The following GFRA1 variants were observed in gnomAD, a reference collection of about 807,000 sequenced individuals.
The protein encoded by GFRA1 is GDNF family receptor alpha 1, also known as GDNF family receptor alpha-1.
GFRA1 carries 16 observed loss-of-function variants against 51.6 expected under a neutral mutation model. The ratio of observed to expected loss-of-function variants is 0.31; its 90% CI spans 0.21 to 0.47. The LOEUF (loss-of-function observed/expected upper bound fraction) is 0.47, where lower values mean the gene tolerates loss of function less well. GFRA1 is among the 20% of genes least tolerant of loss of function. The pLI, the probability that GFRA1 is intolerant of heterozygous loss-of-function variation, is 1.00. For missense variants in GFRA1, 530 were observed against 594.3 expected, an observed-to-expected ratio of 0.89 and a Z score of 1.13; for synonymous variants, 270 against 241.3, an observed-to-expected ratio of 1.12 and a Z score of -1.10.
intron 5 of GFRA1, among the ~76,000 whole-genome samples, chr10:116,147,433 C>T (rs1010037698): frequency 2.6e-5 from 4 of 152,242 alleles, no homozygotes; most frequent in African/African-American, 9.6e-5. Flanking sequence ...TCTAAAAACA[C>T]GCATGGTGAT....
chr10:116,167,817 A>G (rs1234193361), intron 5 of GFRA1, among the ~76,000 whole-genome samples: 1 of 152,150 alleles, frequency 6.6e-6, no homozygotes, highest in Non-Finnish European at 1.5e-5. Context: ...TACATCCATG[A>G]TCCTCAAAGA....
chr10:116,248,868 G>A (rs1341533703), intron 4 of GFRA1, among the ~76,000 whole-genome samples: 1 of 152,134 alleles, frequency 6.6e-6, no homozygotes, highest in Non-Finnish European at 1.5e-5. Flanking sequence ...GACGACAGTG[G>A]GCTGAGAAAA....
chr10:116,156,003 T>C (rs1441725895), intron 5 of GFRA1, among the ~76,000 whole-genome samples: 3 of 152,174 alleles, frequency 2.0e-5, no homozygotes, highest in African/African-American at 7.2e-5. Context: ...CCCATGTGAA[T>C]CAGTCTTACT....
chr10:116,194,171 C>T (rs1419052703), intron 5 of GFRA1, among the ~76,000 whole-genome samples: 3 of 151,456 alleles, frequency 2.0e-5, no homozygotes, highest in African/African-American at 7.3e-5. Flanking sequence ...GCTGAATATG[C>T]AGAAAGTAGT....
chr10:116,206,500 G>T (rs1223880103), intron 5 of GFRA1, among the ~76,000 whole-genome samples: 3 of 151,708 alleles, frequency 2.0e-5, no homozygotes, highest in Non-Finnish European at 4.4e-5. Flanking sequence ...ATGATTTATT[G>T]TTCTCTTCAA....
At chr10:116,240,063 G>A (rs940837443) in intron 4 of GFRA1, among the ~76,000 whole-genome samples, 1 of 152,070 alleles carries the variant, frequency 6.6e-6, no homozygotes, top group Non-Finnish European at 1.5e-5. Context: ...TCTCTATGAT[G>A]TATTATTAAA....
At chr10:116,204,415 C>T (rs183762080) in intron 5 of GFRA1, among the ~76,000 whole-genome samples, 9 of 152,358 alleles carry the variant, frequency 5.9e-5, no homozygotes, top group African/African-American at 2.2e-4. Flanking sequence ...AAAGAAAGGA[C>T]ACCCTGGTAG....
At chr10:116,147,186 G>C (rs930260052) in intron 5 of GFRA1, among the ~76,000 whole-genome samples, 2 of 152,164 alleles carry the variant, frequency 1.3e-5, no homozygotes, top group African/African-American at 2.4e-5. Context: ...GATAGAAAAA[G>C]AGATAGAAAC....
intron 7 of GFRA1, among the ~76,000 whole-genome samples, chr10:116,096,141 C>T (rs1348113599): frequency 6.6e-6 from 1 of 152,118 alleles, no homozygotes; most frequent in Non-Finnish European, 1.5e-5. Flanking sequence ...CCTAAATCAC[C>T]CACTGCACAC....
chr10:116,075,991 A>G (rs1174360219), intron 9 of GFRA1, among the ~76,000 whole-genome samples: 1 of 151,736 alleles, frequency 6.6e-6, no homozygotes, highest in Non-Finnish European at 1.5e-5. Context: ...TGATCCACCC[A>G]CCTCGGCCTC....
At chr10:116,176,087 A>C (rs1961560873) in intron 5 of GFRA1, among the ~76,000 whole-genome samples, 1 of 152,248 alleles carries the variant, frequency 6.6e-6, no homozygotes. Context: ...TATCAGCAGA[A>C]AGAGTATGAA....
intron 5 of GFRA1, among the ~76,000 whole-genome samples, chr10:116,149,616 T>G (rs2134131480): frequency 6.6e-6 from 1 of 152,314 alleles, no homozygotes; most frequent in African/African-American, 2.4e-5. Context: ...TTTGAATAAG[T>G]TCAGGTAGAT....
chr10:116,135,776 A>G (rs1958297475), intron 5 of GFRA1, among the ~76,000 whole-genome samples: 1 of 152,212 alleles, frequency 6.6e-6, no homozygotes, highest in Admixed American at 6.5e-5. Flanking sequence ...GACTCAAGCA[A>G]AACAGCTAAA....
chr10:116,273,579 G>C (rs1019226941), upstream of GFRA1: 3 of 152,388 alleles, frequency 2.0e-5, no homozygotes, highest in Non-Finnish European at 2.9e-5. Flanking sequence ...ACCCGCGGCC[G>C]GACCCGTACT....
chr10:116,206,845 A>G (rs903705386), intron 5 of GFRA1, among the ~76,000 whole-genome samples: 3 of 151,306 alleles, frequency 2.0e-5, no homozygotes, highest in Admixed American at 1.3e-4. Context: ...TGCTAGCCAG[A>G]ATGGTCTCGA....
chr10:116,198,371 G>A (rs1028349336), intron 5 of GFRA1, among the ~76,000 whole-genome samples: 3 of 152,110 alleles, frequency 2.0e-5, no homozygotes, highest in Admixed American at 6.5e-5. Context: ...CACTCATCAC[G>A]AACCTTAATC....
intron 4 of GFRA1, among the ~76,000 whole-genome samples, chr10:116,230,455 G>A (rs895862691): frequency 3.3e-5 from 5 of 152,172 alleles, no homozygotes; most frequent in African/African-American, 7.2e-5. Context: ...GGCTTTCCAA[G>A]ATGGAAATTA....
chr10:116,094,612 CAAG>C (rs1313703619), intron 7 of GFRA1, among the ~76,000 whole-genome samples: 1 of 152,164 alleles, frequency 6.6e-6, no homozygotes, highest in Non-Finnish European at 1.5e-5. Context: ...CCGCTGATGA[CAAG>C]AAGGCTTTTG....
chr10:116,215,669 A>AT (rs1965511482), intron 4 of GFRA1, among the ~76,000 whole-genome samples: 2 of 152,228 alleles, frequency 1.3e-5, no homozygotes, highest in African/African-American at 4.8e-5. Flanking sequence ...TCTTGCAGGA[A>AT]TTGGAAATCA....
Sources: gnomAD v4.1 joint callset for allele counts (sites outside exome capture counted in the v4.1 genomes callset) on GRCh38, gnomAD v4.1.1 for gene constraint, MANE v1.5 for transcripts, NCBI Gene and HGNC (gene_info 2026-07-23, HGNC 2026-07-21) for gene names.